Variants in EFR3B observed in about 807,000 individuals in gnomAD.
EFR3B encodes the protein EFR3 homolog B, also known as protein EFR3 homolog B.
EFR3B carries 64 observed loss-of-function variants against 104.7 expected under a neutral mutation model. The ratio of observed to expected loss-of-function variants is 0.61; its 90% CI spans 0.50 to 0.75. The LOEUF (loss-of-function observed/expected upper bound fraction) is 0.75, where lower values mean the gene tolerates loss of function less well. Among genes scored for constraint, EFR3B ranks in the 30% least tolerant of loss-of-function variants. The pLI is 0.00. For synonymous variants in EFR3B, 385 were observed against 417.9 expected (o/e 0.92, Z 0.96); for missense variants, 750 against 1,078.5 (o/e 0.70, Z 4.27).
chr2:25,137,198 C>T lies in EFR3B; in HGVS notation c.1561-143C>T, dbSNP rs576256422. On this transcript the variant is annotated intron_variant, in intron 14 of 22. Coordinates refer to ENST00000403714, the MANE Select transcript of EFR3B (RefSeq NM_014971.2). This position sits in a 1 kb window ranked among gnomAD's most constrained non-coding sequence, Gnocchi z 4.7. ...GTGTGTGTCTGCTTCTGCCAGAGCC[C>T]GCTTTAAAGGCATCCCCTCCCCAAG... The T allele has an allele frequency of 1.2e-3, 1,093 of 913,846 alleles. 15 individuals are homozygous for T. The South Asian group carries it at 0.017, about 14-fold the overall frequency. The allele number at this position is 913,846 out of a possible 1,614,324, so 56.6% of individuals were successfully genotyped here.
chr2:25,078,572 A>G (rs764294437), intron 1 of EFR3B, among the ~76,000 whole-genome samples: 22 of 152,232 alleles, frequency 1.4e-4, no homozygotes, highest in Admixed American at 9.8e-4. Flanking sequence ...GAAGTCACAC[A>G]TCACGCCAGC....
chr2:25,089,370 C>T (rs923878845), intron 1 of EFR3B, among the ~76,000 whole-genome samples: 5 of 152,302 alleles, frequency 3.3e-5, no homozygotes, highest in Admixed American at 6.5e-5. Flanking sequence ...GCGCAGGCCT[C>T]AGCTCACAGG....
rs1670521496 is a variant in EFR3B at position 25,136,618 on chromosome 2, A to G, written c.1560+20A>G. 1 of 1,549,302 alleles carries G rather than the reference A, an allele frequency of 6.5e-7. No individual in the cohort carries two copies. The highest frequency in any genetic ancestry group is 8.7e-7 in the Non-Finnish European group (1 of 1,145,346). ...AAGAAGGTAAACAAGCATGACCTCC[A>G]GGCACAGTGAAGGGCGGGCACGGTG... On this transcript the variant is annotated intron_variant, in intron 14 of 22. Coordinates refer to ENST00000403714, the MANE Select transcript of EFR3B (RefSeq NM_014971.2). The surrounding 1 kb of genome is among the most constrained non-coding windows in gnomAD (Gnocchi z 4.0).
At chr2:25,116,004 A>G (rs1301979390) in intron 4 of EFR3B, 2 of 152,260 alleles carry the variant, frequency 1.3e-5, no homozygotes, top group Admixed American at 1.3e-4. Flanking sequence ...AAGCTTTACT[A>G]CAACCATATC....
intron 19 of EFR3B, 51 bp from the exon 20 acceptor site, chr2:25,149,643 T>C: frequency 6.5e-7 from 1 of 1,539,208 alleles, no homozygotes. Flanking sequence ...CAGGGCTGCC[T>C]CCTTTCTCTG....
At chr2:25,095,240 A>T (rs1006115007) in intron 3 of EFR3B, among the ~76,000 whole-genome samples, 5 of 152,236 alleles carry the variant, frequency 3.3e-5, no homozygotes, top group African/African-American at 1.2e-4. Flanking sequence ...ATAAAATGTT[A>T]TCTAGTCAAT....
intron 1 of EFR3B, among the ~76,000 whole-genome samples, chr2:25,089,797 C>T (rs761004257): frequency 1.3e-4 from 20 of 152,150 alleles, no homozygotes; most frequent in Admixed American, 3.9e-4. Context: ...GGCATGCAGC[C>T]CGCCCACTGG....
intron 17 of EFR3B, among the ~76,000 whole-genome samples, chr2:25,142,052 C>T (rs559404858): frequency 3.3e-5 from 5 of 152,142 alleles, no homozygotes; most frequent in Non-Finnish European, 7.3e-5. Context: ...GCAGGCCCAG[C>T]GACTCAGAAG....
At position 25,137,373 on chromosome 2, in the gene EFR3B, G is replaced by A. The variant is rs1238003257; in HGVS notation, c.1593G>A (p.Leu531=). Residue 531 remains leucine, a synonymous_variant, in exon 15 of 23, where the codon CTG becomes CTA. Coordinates refer to ENST00000403714, the MANE Select transcript of EFR3B (RefSeq NM_014971.2). The surrounding 1 kb of genome is among the most constrained non-coding windows in gnomAD (Gnocchi z 4.7). ...AGCAGCTCTACAGACACATCTACCT[G>A]AGCTGCAAGGAGGAAACAAACGTGC... ...HSQQLYRHIY[L]SCKEETNVQK... 1.3e-6 allele frequency: 2 copies of A among 1,552,016 alleles called. No individual in the cohort carries two copies. Among genetic ancestry groups the A allele is most frequent in the Middle Eastern group, 1.7e-4 (1 of 5,994 alleles).
At chr2:25,106,456 ATT>A (rs35899048) in intron 4 of EFR3B, among the ~76,000 whole-genome samples, 277 of 129,666 alleles carry the variant, frequency 2.1e-3, no homozygotes, top group African/African-American at 4.7e-3. Context: ...TGCCCAGCTA[ATT>A]TTTTTTTTTT....
At chr2:25,058,716 G>A (rs1449010873) in intron 1 of EFR3B, among the ~76,000 whole-genome samples, 3 of 149,870 alleles carry the variant, frequency 2.0e-5, no homozygotes, top group African/African-American at 5.0e-5. Context: ...CCGAGATCAC[G>A]CCACTGCACT....
At position 25,141,390 on chromosome 2, in the gene EFR3B, G is replaced by C. The variant is rs1490406885; in HGVS notation, c.1879G>C (p.Ala627Pro). ...HEVIETRKKE[A>P]PYMLPEDVFV... is the part of the protein sequence containing the mutation. ...GGTGATAGAGACCAGGAAGAAAGAG[G>C]CTCCATACATGCTCCCCGAGGATGT... Residue 627 changes from alanine (A) to proline (P), a missense_variant, in exon 17 of 23, where the codon GCT becomes CCT. Transcript: ENST00000403714. The C allele has an allele frequency of 6.4e-7, 1 of 1,551,512 alleles. No individual in the cohort carries two copies. The highest frequency in any genetic ancestry group is 1.2e-5 in the South Asian group (1 of 84,038).
At chr2:25,074,955 A>G (rs1280390528) in intron 1 of EFR3B, among the ~76,000 whole-genome samples, 1 of 152,116 alleles carries the variant, frequency 6.6e-6, no homozygotes, top group Non-Finnish European at 1.5e-5. Context: ...ATTTTGAAAT[A>G]TGGATTCATG....
chr2:25,086,548 C>T (rs1668955349), intron 1 of EFR3B, among the ~76,000 whole-genome samples: 1 of 152,140 alleles, frequency 6.6e-6, no homozygotes. Flanking sequence ...TTATTTGCCA[C>T]CTGCATATCT....
At chr2:25,083,443 G>A (rs946676409) in intron 1 of EFR3B, among the ~76,000 whole-genome samples, 1 of 152,178 alleles carries the variant, frequency 6.6e-6, no homozygotes, top group African/African-American at 2.4e-5. Context: ...ACATTACTTA[G>A]TGTCTCGTTA....
chr2:25,044,899 A>C (rs1450678430), intron 1 of EFR3B, among the ~76,000 whole-genome samples: 1 of 152,160 alleles, frequency 6.6e-6, no homozygotes, highest in Non-Finnish European at 1.5e-5. Context: ...TGCTGGACAC[A>C]GTGCTATCTA....
chr2:25,141,215 G>A (rs559113797), intron 16 of EFR3B, 151 bp from the exon 17 acceptor site: 8 of 736,252 alleles, frequency 1.1e-5, no homozygotes, highest in South Asian at 4.2e-5. Flanking sequence ...CTGTTGATGC[G>A]AGTTTCCACT....
intron 1 of EFR3B, among the ~76,000 whole-genome samples, chr2:25,043,367 A>AGGCTGCTC (rs1667625683): frequency 6.6e-6 from 1 of 152,256 alleles, no homozygotes; most frequent in East Asian, 1.9e-4. Flanking sequence ...CCCATCACTG[A>AGGCTGCTC]GGCTGCTCGG....
At position 25,143,633 on chromosome 2, in the gene EFR3B, C is replaced by T. The variant is rs1021847965; in HGVS notation, c.1923-102C>T. The T allele has an allele frequency of 7.0e-6, 10 of 1,421,194 alleles. No individual in the cohort carries two copies. The Admixed American group carries it at 1.9e-4, about 27-fold the overall frequency. The allele number at this position is 1,421,194 out of a possible 1,614,324, so 88.0% of individuals were successfully genotyped here. ...CGAGATCGCACCACCACACTCCAGC[C>T]TGGGCGACAAGAGCAAAACCCTGTC... On this transcript the variant is annotated intron_variant, in intron 17 of 22. Coordinates refer to ENST00000403714, the MANE Select transcript of EFR3B (RefSeq NM_014971.2).
Sources: gnomAD v4.1 joint callset for allele counts (sites outside exome capture counted in the v4.1 genomes callset) on GRCh38, gnomAD v4.1.1 for gene constraint, Gnocchi (gnomAD v3.1) non-coding constraint, MANE v1.5 for transcripts, NCBI Gene and HGNC (gene_info 2026-07-23, HGNC 2026-07-21) for gene names.